The following ADGRB3 variants were observed in gnomAD, a reference collection of about 807,000 sequenced individuals.
The protein encoded by ADGRB3 is adhesion G protein-coupled receptor B3.
A neutral mutation model predicts 193.4 loss-of-function variants in ADGRB3; 37 were observed. The ratio of observed to expected loss-of-function variants is 0.19; its 90% CI spans 0.15 to 0.25. ADGRB3 has a LOEUF of 0.25. Among genes scored for constraint, ADGRB3 ranks in the 10% least tolerant of loss-of-function variants. The pLI, the probability that ADGRB3 is intolerant of heterozygous loss-of-function variation, is 1.00. For missense variants in ADGRB3, 1,637 were observed against 1,852.9 expected (o/e 0.88, Z 2.14); for synonymous variants, 690 against 644.2 (o/e 1.07, Z -1.08).
intron 30 of ADGRB3, among the ~76,000 whole-genome samples, chr6:69,382,046 G>T (rs1381927139): frequency 6.6e-6 from 1 of 151,876 alleles, no homozygotes; most frequent in South Asian, 2.1e-4. Context: ...TTCAGCCCAT[G>T]ATACTTACCC....
intron 20 of ADGRB3, among the ~76,000 whole-genome samples, chr6:69,267,117 C>CT (rs531077257): frequency 1.2e-4 from 18 of 151,992 alleles, no homozygotes; most frequent in Non-Finnish European, 2.2e-4. Flanking sequence ...CAGGGCGAGG[C>CT]TTTTTTTAAA....
intron 3 of ADGRB3, among the ~76,000 whole-genome samples, chr6:68,865,006 A>G (rs1765255582): frequency 6.6e-6 from 1 of 152,154 alleles, no homozygotes; most frequent in South Asian, 2.1e-4. Flanking sequence ...GAAGAATTTG[A>G]AGGAATGATG....
At chr6:69,335,949 TAAGG>T (rs1426750184) in intron 24 of ADGRB3, among the ~76,000 whole-genome samples, 1 of 152,086 alleles carries the variant, frequency 6.6e-6, no homozygotes, top group African/African-American at 2.4e-5. Flanking sequence ...TAAATATTTA[TAAGG>T]AATTAATAAG....
chr6:68,969,089 C>A (rs1582358084), intron 8 of ADGRB3, among the ~76,000 whole-genome samples: 1 of 151,854 alleles, frequency 6.6e-6, no homozygotes, highest in African/African-American at 2.4e-5. Flanking sequence ...ATACTAGATA[C>A]CACTGTAGTT....
intron 17 of ADGRB3, among the ~76,000 whole-genome samples, chr6:69,208,574 G>A (rs1765587666): frequency 6.6e-6 from 1 of 152,232 alleles, no homozygotes; most frequent in Non-Finnish European, 1.5e-5. Context: ...TCATGCTGCA[G>A]CTGTCCACTT....
chr6:69,324,007 A>G (rs1768516429), intron 20 of ADGRB3, among the ~76,000 whole-genome samples: 1 of 152,132 alleles, frequency 6.6e-6, no homozygotes, highest in Admixed American at 6.6e-5. Context: ...AGAACAAATT[A>G]GTCCTGTTGT....
At chr6:68,707,961 C>T (rs772042642) in intron 3 of ADGRB3, among the ~76,000 whole-genome samples, 1 of 152,092 alleles carries the variant, frequency 6.6e-6, no homozygotes, top group Non-Finnish European at 1.5e-5. Flanking sequence ...TAAGCAGAGA[C>T]ACAAGAAAGT....
At chr6:68,893,077 G>C (rs1766124387) in intron 3 of ADGRB3, among the ~76,000 whole-genome samples, 1 of 151,834 alleles carries the variant, frequency 6.6e-6, no homozygotes, top group South Asian at 2.1e-4. Context: ...GGTATTTTCT[G>C]GAATTTCAGT....
intron 7 of ADGRB3, among the ~76,000 whole-genome samples, 184 bp from the exon 8 acceptor site, chr6:68,956,461 T>TA (rs1463071989): frequency 1.3e-5 from 2 of 152,208 alleles, no homozygotes; most frequent in Non-Finnish European, 2.9e-5. Flanking sequence ...TTGCACTTTT[T>TA]ACACTTTTTT....
intron 17 of ADGRB3, among the ~76,000 whole-genome samples, chr6:69,204,174 A>C (rs1009219553): frequency 6.6e-6 from 1 of 152,200 alleles, no homozygotes; most frequent in African/African-American, 2.4e-5. Flanking sequence ...CATGGCTTTC[A>C]AGCCTAAATG....
At chr6:68,738,903 G>C (rs958329907) in intron 3 of ADGRB3, among the ~76,000 whole-genome samples, 1 of 152,114 alleles carries the variant, frequency 6.6e-6, no homozygotes, top group Non-Finnish European at 1.5e-5. Flanking sequence ...ATAGAGAAGG[G>C]GTCTGAGGAT....
chr6:68,791,396 C>T (rs1767104656), intron 3 of ADGRB3, among the ~76,000 whole-genome samples: 2 of 152,178 alleles, frequency 1.3e-5, no homozygotes, highest in South Asian at 4.1e-4. Flanking sequence ...TAACTATATG[C>T]ATTATAGAAG....
chr6:68,869,703 A>G (rs1476387271), intron 3 of ADGRB3, among the ~76,000 whole-genome samples: 3 of 147,870 alleles, frequency 2.0e-5, no homozygotes, highest in Non-Finnish European at 4.4e-5. Flanking sequence ...TTTAAATTCC[A>G]GTTTTATGTG....
At chr6:69,344,228 C>T (rs563189407) in intron 26 of ADGRB3, among the ~76,000 whole-genome samples, 2 of 152,258 alleles carry the variant, frequency 1.3e-5, no homozygotes, top group East Asian at 3.9e-4. Context: ...TGTGGCTGTT[C>T]TGTAGCATCA....
intron 8 of ADGRB3, among the ~76,000 whole-genome samples, chr6:68,965,729 G>A (rs1181735283): frequency 1.3e-5 from 2 of 152,074 alleles, no homozygotes; most frequent in African/African-American, 4.8e-5. Flanking sequence ...CTTTGCACTA[G>A]TAAGAGCAAA....
At chr6:69,279,452 C>CTGTGTGTGTGTG (rs56686568) in intron 20 of ADGRB3, among the ~76,000 whole-genome samples, 2 of 148,028 alleles carry the variant, frequency 1.4e-5, no homozygotes, top group South Asian at 2.2e-4. Context: ...GTCAAGAATG[C>CTGTGTGTGTGTG]TGTGTGTGTG....
chr6:68,828,165 A>G (rs1402073055), intron 3 of ADGRB3, among the ~76,000 whole-genome samples: 1 of 150,954 alleles, frequency 6.6e-6, no homozygotes, highest in African/African-American at 2.4e-5. Context: ...GTTATGTGGT[A>G]CAAAGTAAAT....
chr6:69,198,036 A>G (rs1010781052), intron 17 of ADGRB3, among the ~76,000 whole-genome samples: 1 of 152,074 alleles, frequency 6.6e-6, no homozygotes, highest in African/African-American at 2.4e-5. Context: ...TTTCAAGTTA[A>G]TCAGGGTAAG....
Position 69,300,663 on chromosome 6 carries a change from A to G in ADGRB3, c.2815-24209A>G, listed in dbSNP as rs571741911. The stretch of plus-strand genomic sequence containing the variant: ...CATTAAAAACCAGCAGCATTTACAT[A>G]TGCTACTGGCAAACAATCTGAAAAA... On this transcript the variant is annotated intron_variant, in intron 20 of 31. Coordinates refer to ENST00000370598, the MANE Select transcript of ADGRB3 (RefSeq NM_001704.3). 3.9e-5 allele frequency among the ~76,000 whole-genome samples: 6 copies of G among 151,982 alleles called. No individual in the cohort carries two copies. In the South Asian group the frequency reaches 1.2e-3, roughly 31 times the overall value.
Sources: allele counts gnomAD v4.1 joint callset (sites outside exome capture counted in the v4.1 genomes callset), GRCh38; gene constraint gnomAD v4.1.1; transcripts MANE v1.5; gene names NCBI Gene and HGNC (gene_info 2026-07-23, HGNC 2026-07-21).